TRIM5: variants seen among roughly 807,000 people sequenced by gnomAD.
TRIM5 encodes tripartite motif containing 5, also known as tripartite motif-containing protein 5.
A neutral mutation model predicts 35.6 loss-of-function variants in TRIM5; 31 were observed. The ratio of observed to expected loss-of-function variants is 0.87; its 90% CI spans 0.65 to 1.18. TRIM5 has a LOEUF of 1.18. Ranked by LOEUF, TRIM5 falls within the 50% of genes most tolerant of loss-of-function variation. The probability of loss-of-function intolerance (pLI) is 0.00; values close to 1 mark genes in which losing one functional copy is unlikely to be tolerated. For missense variants in TRIM5, 609 were observed against 591.6 expected (o/e 1.03, Z -0.31); for synonymous variants, 243 against 215.6 (o/e 1.13, Z -1.11).
chr11:5,654,451 T>C, the TRIM5 span, among the ~76,000 whole-genome samples: 1 of 152,210 alleles, frequency 6.6e-6, no homozygotes, highest in Admixed American at 6.5e-5. Context: ...TCTCAATTGC[T>C]TAGGCTGTGG....
the TRIM5 span, among the ~76,000 whole-genome samples, chr11:5,620,340 G>C: frequency 1.3e-5 from 2 of 151,598 alleles, no homozygotes; most frequent in African/African-American, 4.8e-5. Context: ...ACTGCACCCA[G>C]CTAAGCTTTT....
the TRIM5 span, chr11:5,643,151 C>T: frequency 8.7e-6 from 13 of 1,496,388 alleles, no homozygotes; most frequent in Non-Finnish European, 1.2e-5. Flanking sequence ...CAGTGGATGT[C>T]ACACTGAATT....
chr11:5,676,301 A>G (rs1590261892), intron 4 of TRIM5, among the ~76,000 whole-genome samples: 1 of 152,146 alleles, frequency 6.6e-6, no homozygotes, highest in African/African-American at 2.4e-5. Context: ...AAGCATTCTT[A>G]TACACCAACA....
the TRIM5 span, among the ~76,000 whole-genome samples, chr11:5,588,732 G>A: frequency 1.3e-5 from 2 of 151,738 alleles, no homozygotes; most frequent in Non-Finnish European, 2.9e-5. Flanking sequence ...AACAATCCTA[G>A]GGTGTATGTT....
At chr11:5,679,680 C>T in intron 2 of TRIM5, 81 bp downstream of exon 2, 1 of 1,406,906 alleles carries the variant, frequency 7.1e-7, no homozygotes. Context: ...CATGACAAGG[C>T]AGTTAATGTC....
chr11:5,611,241 A>G, the TRIM5 span: 33 of 1,613,888 alleles, frequency 2.0e-5, no homozygotes, highest in Non-Finnish European at 2.5e-5. Flanking sequence ...TGGCTTCCCC[A>G]TCTACACTTT....
chr11:5,659,928 T>C (rs114527762), downstream of TRIM5, among the ~76,000 whole-genome samples: 928 of 152,324 alleles, frequency 6.1e-3, 16 homozygotes, highest in African/African-American at 0.021. Context: ...TCTATATCTC[T>C]TCTTTACGGG....
the TRIM5 span, among the ~76,000 whole-genome samples, chr11:5,621,459 G>A: frequency 2.0e-5 from 3 of 152,200 alleles, no homozygotes; most frequent in Admixed American, 2.0e-4. Flanking sequence ...GGAAATAGCT[G>A]CATATTCTTG....
the TRIM5 span, among the ~76,000 whole-genome samples, chr11:5,614,269 G>A: frequency 6.6e-6 from 1 of 152,226 alleles, no homozygotes; most frequent in African/African-American, 2.4e-5. Flanking sequence ...ACTGTTCCAT[G>A]TGGGATTCAT....
intron 1 of TRIM5, among the ~76,000 whole-genome samples, chr11:5,680,730 A>G (rs1564926893): frequency 6.6e-6 from 1 of 152,220 alleles, no homozygotes; most frequent in East Asian, 1.9e-4. Flanking sequence ...TGCTCTGACT[A>G]CCTTATGTGC....
At chr11:5,644,691 CG>C in the TRIM5 span, among the ~76,000 whole-genome samples, 2 of 151,916 alleles carry the variant, frequency 1.3e-5, no homozygotes, top group Non-Finnish European at 2.9e-5. Context: ...TACCGTGTGT[CG>C]GGGGGGTGGT....
chr11:5,601,511 A>G, the TRIM5 span, among the ~76,000 whole-genome samples: 6 of 152,198 alleles, frequency 3.9e-5, no homozygotes, highest in Non-Finnish European at 5.9e-5. Flanking sequence ...TAATCCCAGC[A>G]CTTTGGGAGG....
chr11:5,629,051 T>G, the TRIM5 span, among the ~76,000 whole-genome samples: 1 of 151,946 alleles, frequency 6.6e-6, no homozygotes. Context: ...CCGAGACAGG[T>G]GGATCACCTG....
At chr11:5,679,730 G>A in intron 2 of TRIM5, 31 bp downstream of exon 2, 1 of 1,521,732 alleles carries the variant, frequency 6.6e-7, no homozygotes, top group Non-Finnish European at 8.8e-7. Context: ...CCCATTTTCT[G>A]CCCTCTCTTC....
At chr11:5,613,923 T>C in the TRIM5 span, among the ~76,000 whole-genome samples, 1 of 152,122 alleles carries the variant, frequency 6.6e-6, no homozygotes, top group African/African-American at 2.4e-5. Context: ...ATAAGTAAAT[T>C]CACTTGGAGA....
At chr11:5,662,715 T>G (rs1362747454), downstream of TRIM5, among the ~76,000 whole-genome samples, 2 of 152,224 alleles carry the variant, frequency 1.3e-5, no homozygotes, top group African/African-American at 4.8e-5. Flanking sequence ...AATCTGTGAT[T>G]TTTAACTTAG....
chr11:5,607,778 A>G, the TRIM5 span, among the ~76,000 whole-genome samples: 1 of 152,186 alleles, frequency 6.6e-6, no homozygotes, highest in South Asian at 2.1e-4. Flanking sequence ...TGCCGAACTA[A>G]GTTCTTTTAA....
chr11:5,591,981 G>C, the TRIM5 span, among the ~76,000 whole-genome samples: 2 of 152,172 alleles, frequency 1.3e-5, no homozygotes, highest in Non-Finnish European at 2.9e-5. Flanking sequence ...ATAACATCTT[G>C]TTTTTGTTCT....
At chr11:5,610,049 T>C in the TRIM5 span, 731 of 1,277,418 alleles carry the variant, frequency 5.7e-4, 4 homozygotes, top group African/African-American at 8.9e-3. Flanking sequence ...GAAAGGAGGA[T>C]TGGAATTCAT....
Sources: gnomAD v4.1 joint callset for allele counts (sites outside exome capture counted in the v4.1 genomes callset) on GRCh38, gnomAD v4.1.1 for gene constraint, MANE v1.5 for transcripts, NCBI Gene and HGNC (gene_info 2026-07-23, HGNC 2026-07-21) for gene names.